Variants in TTC7A observed in about 807,000 individuals in gnomAD.
The protein encoded by TTC7A is tetratricopeptide repeat protein 7A.
In TTC7A, 110 loss-of-function variants were observed where a neutral mutation model predicts 103.7. The observed-to-expected ratio is 1.06, with a 90% CI of 0.91 to 1.24. The LOEUF (loss-of-function observed/expected upper bound fraction) is 1.24. TTC7A is among the 50% of genes most tolerant of loss of function. TTC7A has a pLI of 0.00. For synonymous variants in TTC7A, 521 were observed against 467.9 expected, an observed-to-expected ratio of 1.11 and a Z score of -1.47; for missense variants, 1,340 against 1,116.3, an observed-to-expected ratio of 1.20 and a Z score of -2.86.
chr2:47,072,009 C>T (rs1182482009), intron 19 of TTC7A, among the ~76,000 whole-genome samples: 1 of 152,206 alleles, frequency 6.6e-6, no homozygotes, highest in African/African-American at 2.4e-5. Flanking sequence ...ATTTTTGGTG[C>T]TTAATTTTGT....
At chr2:46,968,306 A>G (rs1407985229) in intron 3 of TTC7A, among the ~76,000 whole-genome samples, 1 of 152,256 alleles carries the variant, frequency 6.6e-6, no homozygotes. Flanking sequence ...ATCACAAGGC[A>G]GTGCCTGCCC....
At chr2:47,058,441 C>A (rs568039090) in intron 18 of TTC7A, among the ~76,000 whole-genome samples, 1 of 152,250 alleles carries the variant, frequency 6.6e-6, no homozygotes, top group South Asian at 2.1e-4. Flanking sequence ...GCCTCTCCTG[C>A]TGCCTACTGG....
intron 16 of TTC7A, among the ~76,000 whole-genome samples, chr2:47,049,513 C>T (rs757271637): frequency 9.2e-5 from 14 of 152,010 alleles, no homozygotes; most frequent in Admixed American, 6.5e-4. Flanking sequence ...AAGCCTGAGG[C>T]AGGGGGTGAC....
intron 11 of TTC7A, among the ~76,000 whole-genome samples, chr2:47,016,822 C>T (rs1192745079): frequency 6.6e-6 from 1 of 152,142 alleles, no homozygotes; most frequent in African/African-American, 2.4e-5. Flanking sequence ...AGGCGCTGGG[C>T]CAGTCTGCAG....
Position 47,024,321 on chromosome 2 carries a change from A to G in TTC7A, c.1603A>G (p.Ile535Val). The stretch of plus-strand genomic sequence containing the variant: ...GCTGGCGCCCAGTGACCCCCAGGTC[A>G]TCCTCTATGTCTCGCTGCAGCTGGC... ...QQLAPSDPQV[I>V]LYVSLQLALV... Residue 535 changes from isoleucine (I) to valine (V), a missense_variant, in exon 14 of 20, where the codon ATC becomes GTC. Ile to Val is a conservative substitution (Grantham distance 29). Transcript: ENST00000319190. The G allele has an allele frequency of 1.2e-6, 2 of 1,609,194 alleles. No individual in the cohort carries two copies. The highest frequency in any genetic ancestry group is 1.3e-5 in the African/African-American group (1 of 74,662).
At chr2:46,939,120 A>G (rs986961206), upstream of TTC7A, among the ~76,000 whole-genome samples, 2 of 152,178 alleles carry the variant, frequency 1.3e-5, no homozygotes, top group Non-Finnish European at 2.9e-5. Flanking sequence ...TACAAACAAA[A>G]TAATAAATTA....
intron 1 of TTC7A, among the ~76,000 whole-genome samples, chr2:46,949,869 C>T (rs1671258482): frequency 6.6e-6 from 1 of 152,102 alleles, no homozygotes; most frequent in Admixed American, 6.6e-5. Flanking sequence ...GAGTGAGACT[C>T]TGTTTAAAAC....
intron 3 of TTC7A, among the ~76,000 whole-genome samples, chr2:46,963,938 C>T (rs904249522): frequency 3.9e-5 from 6 of 152,298 alleles, no homozygotes; most frequent in Non-Finnish European, 5.9e-5. Flanking sequence ...GGATTTCCCC[C>T]ACCTGAATCT....
At chr2:46,964,988 A>G (rs1209582560) in intron 3 of TTC7A, among the ~76,000 whole-genome samples, 1 of 152,154 alleles carries the variant, frequency 6.6e-6, no homozygotes, top group Non-Finnish European at 1.5e-5. Context: ...CCTCACACCC[A>G]GCGCCAGGGA....
chr2:46,976,918 C>G (rs1005785495), intron 4 of TTC7A, among the ~76,000 whole-genome samples: 2 of 152,188 alleles, frequency 1.3e-5, no homozygotes, highest in Non-Finnish European at 2.9e-5. Flanking sequence ...ACTTGAGTGC[C>G]CATTCTTTGG....
intron 15 of TTC7A, among the ~76,000 whole-genome samples, chr2:47,038,377 C>T (rs11890603): frequency 0.071 from 10,791 of 152,210 alleles, 620 homozygotes; most frequent in African/African-American, 0.15. Context: ...CCACTGAGTC[C>T]GACTTGGTGC....
intron 19 of TTC7A, among the ~76,000 whole-genome samples, chr2:47,069,777 A>G (rs1455630139): frequency 2.0e-5 from 3 of 152,162 alleles, no homozygotes; most frequent in East Asian, 3.9e-4. Flanking sequence ...GGGTGTGTCT[A>G]TGTTCCAGGG....
chr2:47,050,064 G>A lies in TTC7A; in HGVS notation c.2017+18G>A. On this transcript the variant is annotated intron_variant, in intron 17 of 19. Coordinates refer to ENST00000319190, the MANE Select transcript of TTC7A (RefSeq NM_020458.4). ...AGACTCTGGTAAGAACGAGCTCCTT[G>A]GGCCACTGTGTGCATGGACCCACAG... The A allele has an allele frequency of 1.3e-6, 2 of 1,597,712 alleles. No individual in the cohort carries two copies. The highest frequency in any genetic ancestry group is 8.6e-7 in the Non-Finnish European group (1 of 1,165,624).
At chr2:46,951,409 T>C (rs1572701782) in intron 2 of TTC7A, among the ~76,000 whole-genome samples, 1 of 152,314 alleles carries the variant, frequency 6.6e-6, no homozygotes, top group East Asian at 1.9e-4. Context: ...GCTGTGGCTG[T>C]GTTAGATTAC....
chr2:46,933,163 A>C (rs529417275), intron 2 of TTC7A, among the ~76,000 whole-genome samples: 1 of 152,304 alleles, frequency 6.6e-6, no homozygotes, highest in East Asian at 1.9e-4. Flanking sequence ...GGCCCATTGT[A>C]GCAGTCTTGC....
At chr2:46,947,475 G>T (rs867056914) in intron 1 of TTC7A, among the ~76,000 whole-genome samples, 1 of 152,166 alleles carries the variant, frequency 6.6e-6, no homozygotes, top group Non-Finnish European at 1.5e-5. Flanking sequence ...TAGCATTTTG[G>T]GAGGCCGAGG....
intron 18 of TTC7A, among the ~76,000 whole-genome samples, chr2:47,052,266 T>G (rs1331021179): frequency 2.0e-5 from 3 of 152,142 alleles, no homozygotes; most frequent in Non-Finnish European, 4.4e-5. Context: ...CTGGTAACTT[T>G]GAGGTTGCCA....
rs567479504 is a variant in TTC7A, at chr2:46,975,444, C to T, written c.648+341C>T. On this transcript the variant is annotated intron_variant, in intron 4 of 19. Transcript: ENST00000319190. ...GCAGTTGGACATCCTTCCCTGCTCT[C>T]GGTGTCCCAGAAGCTCCTCCCTGGA... Among the ~76,000 whole-genome samples the T allele has an allele frequency of 1.7e-4, 26 of 152,066 alleles. No individual in the cohort carries two copies. In the South Asian group the frequency reaches 3.1e-3, roughly 18 times the overall value.
At chr2:47,018,022 A>G (rs1446973115) in intron 11 of TTC7A, among the ~76,000 whole-genome samples, 1 of 152,186 alleles carries the variant, frequency 6.6e-6, no homozygotes, top group East Asian at 1.9e-4. Flanking sequence ...CACTCCTGTA[A>G]TCCCAGCACT....
Sources: allele counts gnomAD v4.1 joint callset (sites outside exome capture counted in the v4.1 genomes callset), GRCh38; gene constraint gnomAD v4.1.1; transcripts MANE v1.5; gene names NCBI Gene and HGNC (gene_info 2026-07-23, HGNC 2026-07-21).